ZNF618: variants seen among roughly 807,000 people sequenced by gnomAD.
The protein encoded by ZNF618 is zinc finger protein 618.
In ZNF618, 34 loss-of-function variants were observed where a neutral mutation model predicts 103.0. The ratio of observed to expected loss-of-function variants is 0.33; its 90% CI spans 0.25 to 0.44. The LOEUF is 0.44. ZNF618 is among the 20% of genes least tolerant of loss of function. The pLI is 1.00. For synonymous variants in ZNF618, 551 were observed against 542.2 expected, an observed-to-expected ratio of 1.02 and a Z score of -0.23; for missense variants, 1,059 against 1,295.4, an observed-to-expected ratio of 0.82 and a Z score of 2.80.
intron 5 of ZNF618, 97 bp from the exon 6 acceptor site, chr9:114,002,527 C>A: frequency 7.2e-7 from 1 of 1,395,438 alleles, no homozygotes; most frequent in Non-Finnish European, 1.0e-6. Flanking sequence ...ACTGTGAGCT[C>A]TTCCCCTGTG....
chr9:113,986,786 G>T (rs916926979), intron 2 of ZNF618, among the ~76,000 whole-genome samples: 3 of 152,152 alleles, frequency 2.0e-5, no homozygotes, highest in Admixed American at 2.0e-4. Context: ...ATTAGCTGGG[G>T]GCTCCCCTCT....
chr9:113,968,984 G>T (rs533353639), intron 1 of ZNF618, 133 bp from the exon 2 acceptor site: 445 of 997,824 alleles, frequency 4.5e-4, no homozygotes, highest in Non-Finnish European at 6.5e-4. Context: ...CTGGAGGAGC[G>T]GGACAGGGGC....
chr9:113,899,874 A>G (rs983055429), intron 1 of ZNF618, among the ~76,000 whole-genome samples: 4 of 152,282 alleles, frequency 2.6e-5, no homozygotes, highest in South Asian at 2.1e-4. Flanking sequence ...TCATTTGTCT[A>G]TTAATGGATA....
chr9:114,049,055 G>T lies in ZNF618; in HGVS notation c.1753G>T (p.Gly585Cys). 1 of 1,613,930 alleles carries T rather than the reference G, an allele frequency of 6.2e-7. No homozygotes were observed. The highest frequency in any genetic ancestry group is 8.5e-7 in the Non-Finnish European group (1 of 1,179,892). The change falls in exon 15 of 15, where the codon GGT (glycine) becomes TGT (cysteine). Residue 585 changes from glycine to cysteine, a missense_variant. Gly to Cys is a radical substitution (Grantham distance 159). This residue lies in a region of ZNF618 where 272 missense variants were observed against 380.1 expected (regional missense o/e 0.72). Coordinates refer to ENST00000374126, the MANE Select transcript of ZNF618 (RefSeq NM_001318042.2). ...HIKSYVLGVKGADIRDSGDLV... is the reference protein window; with the variant it reads ...HIKSYVLGVKCADIRDSGDLV... ...CAAGAGCTATGTGCTTGGTGTGAAGGGTGCGGACATTCGCGACAGCGGTGA... is the reference window on the plus strand; with the variant it reads ...CAAGAGCTATGTGCTTGGTGTGAAGTGTGCGGACATTCGCGACAGCGGTGA...
chr9:113,982,658 G>A lies in ZNF618; in HGVS notation c.78-5663G>A, dbSNP rs1286671253. Among the ~76,000 whole-genome samples the A allele has an allele frequency of 2.6e-5, 4 of 152,156 alleles. No individual in the cohort carries two copies. The East Asian group carries it at 5.8e-4, about 22-fold the overall frequency. The stretch of plus-strand genomic sequence containing the variant: ...CTCACCCCACCACAGAGAGAAAGAG[G>A]CCTAAATCTGTATACATCAGGCAAA... On this transcript the variant is annotated intron_variant, in intron 2 of 14. Coordinates refer to ENST00000374126, the MANE Select transcript of ZNF618 (RefSeq NM_001318042.2).
At chr9:113,951,557 GTGTA>G in intron 1 of ZNF618, among the ~76,000 whole-genome samples, 1 of 38,160 alleles carries the variant, frequency 2.6e-5, no homozygotes, top group East Asian at 2.2e-3. Context: ...ACATATGTGT[GTGTA>G]TATGTGTGTG....
chr9:114,006,169 T>G (rs1160044572), intron 6 of ZNF618, among the ~76,000 whole-genome samples: 1 of 152,136 alleles, frequency 6.6e-6, no homozygotes. Context: ...AGCGTAACCT[T>G]GTGGTAGAGG....
At chr9:113,961,992 C>G (rs978682431) in intron 1 of ZNF618, among the ~76,000 whole-genome samples, 2 of 152,180 alleles carry the variant, frequency 1.3e-5, no homozygotes, top group African/African-American at 4.8e-5. Flanking sequence ...GAACCTTGGC[C>G]AAGCCACTGG....
chr9:113,970,401 C>T (rs1472165234), intron 2 of ZNF618, among the ~76,000 whole-genome samples: 1 of 152,094 alleles, frequency 6.6e-6, no homozygotes, highest in Non-Finnish European at 1.5e-5. Context: ...AGAATAGAGG[C>T]CATTATACCA....
intron 3 of ZNF618, among the ~76,000 whole-genome samples, chr9:113,997,021 A>G (rs560576461): frequency 6.6e-6 from 1 of 151,892 alleles, no homozygotes; most frequent in South Asian, 2.1e-4. Context: ...AAGATGGTGG[A>G]CGGAAATGAG....
At chr9:113,895,099 C>CTAAG (rs10683921) in intron 1 of ZNF618, among the ~76,000 whole-genome samples, 84,777 of 151,324 alleles carry the variant, frequency 0.56, 23,928 homozygotes, top group East Asian at 0.67. Context: ...TTTTTTATCA[C>CTAAG]TAAGCATCCT....
At chr9:113,999,028 C>T (rs1278313836) in intron 4 of ZNF618, among the ~76,000 whole-genome samples, 1 of 152,190 alleles carries the variant, frequency 6.6e-6, no homozygotes, top group Non-Finnish European at 1.5e-5. Flanking sequence ...ATGACTTGTC[C>T]AGGGCTCCCT....
intron 1 of ZNF618, among the ~76,000 whole-genome samples, chr9:113,938,564 C>CTTTTTTTTTTT (rs751883694): frequency 2.6e-5 from 2 of 77,690 alleles, no homozygotes; most frequent in African/African-American, 8.2e-5. Context: ...ATTATATTTT[C>CTTTTTTTTTTT]TTTTTTTCTT....
intron 1 of ZNF618, among the ~76,000 whole-genome samples, chr9:113,940,138 C>G (rs914266882): frequency 1.3e-5 from 2 of 151,546 alleles, no homozygotes; most frequent in Non-Finnish European, 2.9e-5. Flanking sequence ...AAAAAATACT[C>G]CTCCAAATAA....
At chr9:114,015,413 G>A (rs1209602524) in intron 9 of ZNF618, among the ~76,000 whole-genome samples, 1 of 152,144 alleles carries the variant, frequency 6.6e-6, no homozygotes, top group Non-Finnish European at 1.5e-5. Context: ...CAAAGAAATG[G>A]AAAGTAAAAT....
intron 1 of ZNF618, among the ~76,000 whole-genome samples, chr9:113,923,223 T>C (rs535723204): frequency 1.3e-5 from 2 of 152,322 alleles, no homozygotes; most frequent in South Asian, 4.1e-4. Context: ...AATCATATTA[T>C]CTGTGAATAA....
At chr9:113,935,273 C>A (rs748599465) in intron 1 of ZNF618, among the ~76,000 whole-genome samples, 57 of 152,210 alleles carry the variant, frequency 3.7e-4, no homozygotes, top group Non-Finnish European at 7.4e-4. Context: ...ACATTGCCCC[C>A]CACTTTACAT....
chr9:113,877,467 G>A (rs555788116), intron 1 of ZNF618, among the ~76,000 whole-genome samples: 14 of 151,396 alleles, frequency 9.2e-5, no homozygotes, highest in Non-Finnish European at 1.6e-4. Context: ...ACGAACGAAG[G>A]ATTTAAAAGA....
At chr9:113,945,613 G>T (rs1468350783) in intron 1 of ZNF618, among the ~76,000 whole-genome samples, 1 of 152,212 alleles carries the variant, frequency 6.6e-6, no homozygotes, top group East Asian at 1.9e-4. Flanking sequence ...GACCTCCAGA[G>T]GATCCAGACC....
Sources: allele counts gnomAD v4.1 joint callset (sites outside exome capture counted in the v4.1 genomes callset), GRCh38; gene constraint gnomAD v4.1.1; regional missense constraint gnomAD v4.1.1; transcripts MANE v1.5; gene names NCBI Gene and HGNC (gene_info 2026-07-23, HGNC 2026-07-21).